The following SLIT3 variants were observed in gnomAD, a reference collection of about 807,000 sequenced individuals.
SLIT3 encodes the protein slit homolog 3 protein.
A neutral mutation model predicts 184.0 loss-of-function variants in SLIT3; 68 were observed. That is an observed-to-expected ratio of 0.37 (90% CI 0.30 to 0.45). SLIT3 has a LOEUF of 0.45. Among genes scored for constraint, SLIT3 ranks in the 20% least tolerant of loss-of-function variants. SLIT3 has a pLI of 1.00. For synonymous variants in SLIT3, 831 were observed against 828.6 expected, an observed-to-expected ratio of 1.00 and a Z score of -0.05; for missense variants, 1,707 against 2,026.0, an observed-to-expected ratio of 0.84 and a Z score of 3.02.
rs551287979 is a variant in SLIT3 at position 168,740,282 on chromosome 5, G to A, written c.2270+8020C>T. On this transcript the variant is annotated intron_variant, in intron 20 of 35. Coordinates refer to ENST00000519560, the MANE Select transcript of SLIT3 (RefSeq NM_003062.4). ...TGACTCACCCAGGGTAGAACTGAAA[G>A]GAGACTGTGAGAGAAGGGCCAGTGA... Among the ~76,000 whole-genome samples, 13 of 152,268 alleles carry A rather than the reference G, an allele frequency of 8.5e-5. No individual in the cohort carries two copies. The South Asian group carries it at 2.3e-3, about 27-fold the overall frequency.
intron 4 of SLIT3, among the ~76,000 whole-genome samples, chr5:169,009,329 C>A (rs1581297897): frequency 6.6e-6 from 1 of 152,318 alleles, no homozygotes; most frequent in East Asian, 1.9e-4. Flanking sequence ...GGTGAGTCAG[C>A]AGACAATCTC....
chr5:168,916,567 A>G (rs763406764), intron 4 of SLIT3, among the ~76,000 whole-genome samples: 3 of 152,256 alleles, frequency 2.0e-5, no homozygotes, highest in Non-Finnish European at 4.4e-5. Context: ...ATGACCAGTC[A>G]TAAACATCAG....
At chr5:168,821,364 G>A (rs886613964) in intron 7 of SLIT3, among the ~76,000 whole-genome samples, 6 of 152,220 alleles carry the variant, frequency 3.9e-5, no homozygotes, top group Non-Finnish European at 8.8e-5. Context: ...GCTGATTCCT[G>A]CAGGTGAGAG....
At chr5:168,695,272 G>A (rs552625880) in intron 28 of SLIT3, among the ~76,000 whole-genome samples, 2 of 152,146 alleles carry the variant, frequency 1.3e-5, no homozygotes, top group Admixed American at 1.3e-4. Flanking sequence ...CCTTAGGCTG[G>A]TATTTCCTAA....
At chr5:168,764,009 G>T (rs1755245782) in intron 14 of SLIT3, among the ~76,000 whole-genome samples, 1 of 152,336 alleles carries the variant, frequency 6.6e-6, no homozygotes, top group East Asian at 1.9e-4. Flanking sequence ...TAGCAGAAGG[G>T]AGCACAGGCT....
intron 4 of SLIT3, among the ~76,000 whole-genome samples, chr5:169,109,134 G>T (rs994091580): frequency 1.3e-5 from 2 of 152,184 alleles, no homozygotes; most frequent in Non-Finnish European, 2.9e-5. Context: ...TCACTCCCAG[G>T]ATTACATTAT....
intron 4 of SLIT3, among the ~76,000 whole-genome samples, chr5:168,898,777 C>T (rs1178306376): frequency 1.3e-5 from 2 of 152,066 alleles, no homozygotes; most frequent in African/African-American, 4.8e-5. Flanking sequence ...TCTAATCCTT[C>T]TTATCAACTT....
chr5:169,289,933 G>A (rs1192803956), intron 1 of SLIT3, among the ~76,000 whole-genome samples: 1 of 152,038 alleles, frequency 6.6e-6, no homozygotes, highest in African/African-American at 2.4e-5. Flanking sequence ...GCATATGCTA[G>A]AACATACACC....
rs114690479 is a variant in SLIT3 at position 168,869,765 on chromosome 5, C to T, written c.485+13500G>A. Among the ~76,000 whole-genome samples the T allele has an allele frequency of 7.9e-3, 1,205 of 152,326 alleles. 16 individuals are homozygous for T. The highest frequency in any genetic ancestry group is 0.027 in the African/African-American group (1,128 of 41,572). ...GGACCATGTGCTGTATGTACCAAAC[C>T]TTATCCACTGGGTACTTACTTGTCT... On this transcript the variant is annotated intron_variant, in intron 5 of 35. Coordinates refer to ENST00000519560, the MANE Select transcript of SLIT3 (RefSeq NM_003062.4).
chr5:169,206,314 C>T (rs1764066261), intron 3 of SLIT3, among the ~76,000 whole-genome samples: 1 of 152,166 alleles, frequency 6.6e-6, no homozygotes, highest in Non-Finnish European at 1.5e-5. Context: ...ACCCCCAAAA[C>T]AATGCAGCAA....
chr5:169,245,153 A>G (rs1765543808), intron 2 of SLIT3, among the ~76,000 whole-genome samples: 1 of 152,140 alleles, frequency 6.6e-6, no homozygotes, highest in South Asian at 2.1e-4. Context: ...GGATTCAAAA[A>G]TACTTCATTG....
chr5:168,887,472 C>T (rs574172196), intron 4 of SLIT3, among the ~76,000 whole-genome samples: 1 of 152,254 alleles, frequency 6.6e-6, no homozygotes, highest in South Asian at 2.1e-4. Flanking sequence ...TGCTCTTTGC[C>T]TCAGTTTCCC....
intron 3 of SLIT3, among the ~76,000 whole-genome samples, chr5:169,220,206 T>G (rs892020312): frequency 6.6e-6 from 1 of 151,930 alleles, no homozygotes; most frequent in African/African-American, 2.4e-5. Context: ...GTGCCCTGTA[T>G]AGCCACTGGT....
intron 14 of SLIT3, among the ~76,000 whole-genome samples, chr5:168,764,932 G>A (rs1755288261): frequency 6.6e-6 from 1 of 152,168 alleles, no homozygotes; most frequent in Admixed American, 6.5e-5. Flanking sequence ...AGTCCTGGGC[G>A]AATTTCATTT....
intron 5 of SLIT3, among the ~76,000 whole-genome samples, chr5:168,847,947 C>T (rs746887671): frequency 2.0e-5 from 3 of 152,194 alleles, no homozygotes; most frequent in Non-Finnish European, 4.4e-5. Context: ...CTGCAACATG[C>T]ACGCTATCAC....
At chr5:168,916,541 T>C (rs985519574) in intron 4 of SLIT3, among the ~76,000 whole-genome samples, 1 of 152,230 alleles carries the variant, frequency 6.6e-6, no homozygotes, top group Non-Finnish European at 1.5e-5. Context: ...TTAGCACTAA[T>C]GGAATTTCAA....
chr5:168,984,850 C>T (rs1316621853), intron 4 of SLIT3, among the ~76,000 whole-genome samples: 1 of 152,146 alleles, frequency 6.6e-6, no homozygotes, highest in Non-Finnish European at 1.5e-5. Flanking sequence ...TTGTTAAACA[C>T]CAGATTGCTG....
intron 4 of SLIT3, among the ~76,000 whole-genome samples, chr5:169,083,867 A>G (rs1360165430): frequency 6.6e-6 from 1 of 152,150 alleles, no homozygotes; most frequent in Non-Finnish European, 1.5e-5. Flanking sequence ...GGGCCTACTT[A>G]GAATACCCAC....
chr5:169,050,489 A>G (rs1232065596), intron 4 of SLIT3, among the ~76,000 whole-genome samples: 3 of 152,186 alleles, frequency 2.0e-5, no homozygotes, highest in African/African-American at 7.2e-5. Flanking sequence ...CTGTGCCCAG[A>G]TAATTGGTTC....
Sources: allele counts gnomAD v4.1 joint callset (sites outside exome capture counted in the v4.1 genomes callset), GRCh38; gene constraint gnomAD v4.1.1; transcripts MANE v1.5; gene names NCBI Gene and HGNC (gene_info 2026-07-23, HGNC 2026-07-21).